NLRP5: variants seen among roughly 807,000 people sequenced by gnomAD.
NLRP5 encodes the protein NACHT, LRR and PYD domains-containing protein 5.
In NLRP5, 93 loss-of-function variants were observed where a neutral mutation model predicts 113.1. The observed-to-expected ratio is 0.82, with a 90% CI of 0.70 to 0.98. The LOEUF (loss-of-function observed/expected upper bound fraction) is 0.98. NLRP5 is among the 50% of genes least tolerant of loss of function. NLRP5 has a pLI of 0.00. For synonymous variants in NLRP5, 751 were observed against 600.7 expected (o/e 1.25, Z -3.66); for missense variants, 1,808 against 1,514.3 (o/e 1.19, Z -3.22).
At chr19:56,054,993 T>G (rs996495276) in intron 13 of NLRP5, among the ~76,000 whole-genome samples, 1 of 1,270 alleles carries the variant, frequency 7.9e-4, no homozygotes, top group East Asian at 3.3e-3. Context: ...ACCCCTCCCC[T>G]TTTTTTTTTT....
At chr19:56,060,549 G>C (rs918898447) in intron 14 of NLRP5, among the ~76,000 whole-genome samples, 2 of 152,000 alleles carry the variant, frequency 1.3e-5, no homozygotes, top group Non-Finnish European at 2.9e-5. Context: ...ATGACATTAA[G>C]GGAGAACTTA....
chr19:56,004,159 CAG>C (rs1599876480), intron 2 of NLRP5, 64 bp downstream of exon 2: 6 of 1,511,436 alleles, frequency 4.0e-6, no homozygotes, highest in Middle Eastern at 4.6e-4. Context: ...CTCATGGGAA[CAG>C]GGAAGAATCG....
At chr19:56,050,799 A>G (rs7256266) in intron 12 of NLRP5, among the ~76,000 whole-genome samples, 75,966 of 152,008 alleles carry the variant, frequency 0.5, 19,315 homozygotes, top group African/African-American at 0.58. Context: ...AGGAACCATG[A>G]GTTCTGAGAA....
chr19:55,995,864 G>A (rs1361444386), upstream of NLRP5, among the ~76,000 whole-genome samples: 2 of 151,844 alleles, frequency 1.3e-5, no homozygotes, highest in Non-Finnish European at 1.5e-5. Context: ...TTCTTTTTCA[G>A]CTAGTTCATT....
the NLRP5 span, among the ~76,000 whole-genome samples, chr19:55,987,124 T>G: frequency 6.6e-6 from 1 of 152,214 alleles, no homozygotes; most frequent in Non-Finnish European, 1.5e-5. Flanking sequence ...ATCCCAGCAC[T>G]TTGGGAGGCC....
chr19:56,037,579 G>A (rs1276493819), intron 9 of NLRP5, among the ~76,000 whole-genome samples: 1 of 151,640 alleles, frequency 6.6e-6, no homozygotes, highest in African/African-American at 2.4e-5. Context: ...TGTAATCCCA[G>A]CTACTCAGGA....
At chr19:56,061,152 C>T (rs747415578) in intron 14 of NLRP5, among the ~76,000 whole-genome samples, 34 of 152,258 alleles carry the variant, frequency 2.2e-4, no homozygotes, top group East Asian at 1.7e-3. Context: ...TTTTTCTAAC[C>T]GATTTCAGCC....
rs1353186691 is a variant in NLRP5 at position 56,026,535 on chromosome 19, A to AAG, written c.680-377_680-376insGA. Among the ~76,000 whole-genome samples the AAG allele has an allele frequency of 6.0e-5, 9 of 149,956 alleles. No homozygotes were observed. The East Asian group carries it at 1.2e-3, about 20-fold the overall frequency. On this transcript the variant is annotated intron_variant, in intron 6 of 14. Transcript: ENST00000390649. The stretch of plus-strand genomic sequence containing the variant: ...AGAGCAAGACTCCATCTCAAAAAAA[A>AAG]AAAAAAAAAAAAAATAGACTGGCTT...
At chr19:56,048,652 T>G (rs1983813413) in intron 11 of NLRP5, among the ~76,000 whole-genome samples, 2 of 152,174 alleles carry the variant, frequency 1.3e-5, no homozygotes, top group Non-Finnish European at 2.9e-5. Flanking sequence ...CTTAAGATTC[T>G]TTCCTTCATC....
rs200444348 is a variant in NLRP5, at chr19:56,058,364, C to G, written c.3424C>G (p.Leu1142Val). The change falls in exon 14 of 15, where the codon CTG (leucine) becomes GTG (valine). Residue 1142 changes from leucine to valine, a missense_variant. Leu to Val is a conservative substitution (Grantham distance 32). Transcript: ENST00000390649. Reference sequence around the variant, plus strand: ...CTTCAGTCCCAAAGGAATGATGAAGCTGTGTTCGGCCTTTGCCTGTCCCAC... The same window carrying G: ...CTTCAGTCCCAAAGGAATGATGAAGGTGTGTTCGGCCTTTGCCTGTCCCAC... 4 of 1,614,006 alleles carry G rather than the reference C, an allele frequency of 2.5e-6. No individual in the cohort carries two copies. The highest frequency in any genetic ancestry group is 8.5e-7 in the Non-Finnish European group (1 of 1,179,886).
upstream of NLRP5, among the ~76,000 whole-genome samples, chr19:55,996,449 C>T (rs965693021): frequency 1.1e-4 from 17 of 152,118 alleles, no homozygotes; most frequent in Admixed American, 2.6e-4. Context: ...TGTGCTGCAC[C>T]CATTAACTCA....
intron 2 of NLRP5, among the ~76,000 whole-genome samples, chr19:56,006,438 T>A (rs999820013): frequency 4.0e-5 from 6 of 150,504 alleles, no homozygotes; most frequent in Non-Finnish European, 8.9e-5. Flanking sequence ...AAAAAAAAAA[T>A]GGATGGTATA....
rs577761633 is a variant in NLRP5 at position 56,004,069 on chromosome 19, C to T, written c.416C>T (p.Ser139Leu). 194 of 1,611,180 alleles carry T rather than the reference C, an allele frequency of 1.2e-4. No individual in the cohort carries two copies. Among genetic ancestry groups the T allele is most frequent in the Non-Finnish European group, 1.5e-4 (174 of 1,178,302 alleles). Reference sequence around the variant, plus strand: ...GAAAACATGAACCTGCGAACCCTCTCGGAGAAGGCACGGGATGACATGAAA... The same window carrying T: ...GAAAACATGAACCTGCGAACCCTCTTGGAGAAGGCACGGGATGACATGAAA... Residue 139 changes from serine to leucine, a missense_variant, in exon 2 of 15, where the codon TCG (serine) becomes TTG (leucine). Transcript: ENST00000390649.
At chr19:56,033,270 A>C (rs143360222) in intron 8 of NLRP5, among the ~76,000 whole-genome samples, 3 of 151,704 alleles carry the variant, frequency 2.0e-5, no homozygotes, top group Non-Finnish European at 2.9e-5. Flanking sequence ...ACAAAAAAAA[A>C]CCTTGTGCTG....
upstream of NLRP5, among the ~76,000 whole-genome samples, chr19:55,999,086 T>G (rs1981501130): frequency 6.6e-6 from 1 of 152,018 alleles, no homozygotes; most frequent in Admixed American, 6.6e-5. Flanking sequence ...TTTTCATCAA[T>G]ATTTCCTTTT....
intron 2 of NLRP5, among the ~76,000 whole-genome samples, chr19:56,006,737 T>TA (rs1314420101): frequency 6.6e-6 from 1 of 150,918 alleles, no homozygotes; most frequent in Non-Finnish European, 1.5e-5. Flanking sequence ...GTATTTAAAA[T>TA]AAAAATTTTT....
intron 6 of NLRP5, among the ~76,000 whole-genome samples, chr19:56,024,505 A>G (rs1163069425): frequency 9.1e-6 from 1 of 110,158 alleles, no homozygotes; most frequent in Admixed American, 9.5e-5. Context: ...ACATATGTAT[A>G]TGTATATGTG....
At chr19:56,013,518 A>T (rs929140821) in intron 3 of NLRP5, among the ~76,000 whole-genome samples, 6 of 148,722 alleles carry the variant, frequency 4.0e-5, no homozygotes, top group African/African-American at 1.2e-4. Flanking sequence ...TCAGGACTTC[A>T]TAACTTTTTA....
In NLRP5 at chr19:56,027,245, AG is replaced by A. The variant is rs1296905254; in HGVS notation, c.1015del (p.Glu339SerfsTer9). On this transcript the variant is annotated frameshift_variant, in exon 7 of 15. Transcript: ENST00000390649. LOFTEE classifies it high-confidence loss of function. The stretch of plus-strand genomic sequence containing the variant: ...GAGCAGTGTCACAGAGTTCATCTCC[AG>A]GGAGTGGCCAGACTCCCAGGCTCCG... 1 of 1,612,770 alleles carries A rather than the reference AG, an allele frequency of 6.2e-7. No homozygotes were observed. Among genetic ancestry groups the A allele is most frequent in the South Asian group, 1.1e-5 (1 of 90,956 alleles).
Sources: allele counts gnomAD v4.1 joint callset (sites outside exome capture counted in the v4.1 genomes callset), GRCh38; gene constraint gnomAD v4.1.1; transcripts MANE v1.5; gene names NCBI Gene and HGNC (gene_info 2026-07-23, HGNC 2026-07-21).